Variants in GLCCI1 observed in about 807,000 individuals in gnomAD.
The protein encoded by GLCCI1 is glucocorticoid-induced transcript 1 protein.
GLCCI1 carries 24 observed loss-of-function variants against 52.2 expected under a neutral mutation model. The ratio of observed to expected loss-of-function variants is 0.46; its 90% confidence interval spans 0.33 to 0.65. GLCCI1 has a LOEUF of 0.65. Ranked by LOEUF, GLCCI1 falls within the 30% of genes least tolerant of loss-of-function variation. The pLI, the probability that GLCCI1 is intolerant of heterozygous loss-of-function variation, is 0.02. For synonymous variants in GLCCI1, 310 were observed against 276.5 expected, an observed-to-expected ratio of 1.12 and a Z score of -1.20; for missense variants, 704 against 701.5, an observed-to-expected ratio of 1.00 and a Z score of -0.04.
intron 5 of GLCCI1, among the ~76,000 whole-genome samples, chr7:8,062,542 T>C (rs1165173238): frequency 6.6e-6 from 1 of 152,194 alleles, no homozygotes; most frequent in Non-Finnish European, 1.5e-5. Flanking sequence ...TGGAATTTGG[T>C]GTACAGATTA....
chr7:8,020,979 T>A (rs1347873614), intron 2 of GLCCI1, among the ~76,000 whole-genome samples: 1 of 152,224 alleles, frequency 6.6e-6, no homozygotes, highest in African/African-American at 2.4e-5. Context: ...ATTTAATATA[T>A]TGATACCTCT....
At chr7:8,066,553 C>T (rs1333451731) in intron 5 of GLCCI1, among the ~76,000 whole-genome samples, 2 of 150,684 alleles carry the variant, frequency 1.3e-5, no homozygotes, top group East Asian at 3.9e-4. Flanking sequence ...ACTGCTTTAG[C>T]TGTGTCCCAT....
rs185664873 is a variant in GLCCI1, at chr7:8,081,649, A to G, written c.1178-3248A>G. Among the ~76,000 whole-genome samples, 467 of 152,348 alleles carry G rather than the reference A, an allele frequency of 3.1e-3. 3 individuals are homozygous for G. Among genetic ancestry groups the G allele is most frequent in the Middle Eastern group, 0.02 (6 of 294 alleles). The stretch of plus-strand genomic sequence containing the variant: ...ATACTCAAGCTATACAAGTACATGT[A>G]GTTTAATGAATATTGTTTCTATATG... On this transcript the variant is annotated intron_variant, in intron 6 of 7. Coordinates refer to ENST00000223145, the MANE Select transcript of GLCCI1 (RefSeq NM_138426.4).
At chr7:7,982,044 G>A in intron 1 of GLCCI1, 2 of 461,474 alleles carry the variant, frequency 4.3e-6, no homozygotes, top group South Asian at 3.4e-5. Context: ...TGGGAGAAAT[G>A]AAAGAGTAAA....
intron 3 of GLCCI1, among the ~76,000 whole-genome samples, chr7:8,031,359 T>G (rs533417028): frequency 6.6e-6 from 1 of 151,834 alleles, no homozygotes; most frequent in East Asian, 1.9e-4. Context: ...ATAGAACTCG[T>G]GGAACTAGAG....
chr7:7,969,655 G>C lies in GLCCI1; in HGVS notation c.305G>C (p.Arg102Pro). ...AGCCTCCCGGGGCCCGGCGCGGCCC[G>C]CGGCCCCAGCCCGTCCAGCCCGACG... is the stretch of plus-strand genomic sequence containing the variant. ...LGSLPGPGAA[R>P]GPSPSSPTPP... is the part of the protein sequence containing the mutation. Residue 102 changes from arginine (R) to proline (P), a missense_variant, in exon 1 of 8, where the codon CGC (arginine) becomes CCC (proline). Physicochemically the swap from Arg to Pro is moderately radical, Grantham distance 103 (BLOSUM62 -2). Around this residue, in one of 3 missense-constraint regions of GLCCI1, gnomAD observed 547 missense variants for 524.8 expected, o/e 1.04. Transcript: ENST00000223145. This position sits in a 1 kb window ranked among gnomAD's most constrained non-coding sequence, Gnocchi z 4.9. The C allele has an allele frequency of 9.9e-7, 1 of 1,013,724 alleles. No homozygotes were observed. The highest frequency in any genetic ancestry group is 1.2e-6 in the Non-Finnish European group (1 of 854,302). The allele number at this position is 1,013,724 out of a possible 1,614,324, so 62.8% of individuals were successfully genotyped here. A position where few individuals can be genotyped will look rare whatever the true frequency, so the allele number is the denominator to read the frequency against.
At chr7:7,971,158 G>GTAT (rs1458331609) in intron 1 of GLCCI1, among the ~76,000 whole-genome samples, 1 of 152,162 alleles carries the variant, frequency 6.6e-6, no homozygotes, top group Non-Finnish European at 1.5e-5. Flanking sequence ...CCTGTAATCT[G>GTAT]TATGCATTGG....
intron 2 of GLCCI1, among the ~76,000 whole-genome samples, chr7:8,009,684 A>G (rs1367448048): frequency 2.6e-5 from 4 of 152,224 alleles, no homozygotes; most frequent in African/African-American, 4.8e-5. Flanking sequence ...TTAATGACCC[A>G]TACATGTAGT....
At chr7:8,029,924 CTTCATG>C (rs1781709010) in intron 3 of GLCCI1, among the ~76,000 whole-genome samples, 1 of 152,068 alleles carries the variant, frequency 6.6e-6, no homozygotes, top group East Asian at 1.9e-4. Flanking sequence ...TGGAAGGATA[CTTCATG>C]TTCATTAATT....
chr7:7,992,366 C>T (rs758473941), intron 1 of GLCCI1, among the ~76,000 whole-genome samples: 13 of 151,982 alleles, frequency 8.6e-5, no homozygotes, highest in Non-Finnish European at 1.6e-4. Flanking sequence ...CACCTTCCAC[C>T]AGTTCTTATG....
At chr7:8,073,091 C>T (rs1782798778) in intron 6 of GLCCI1, among the ~76,000 whole-genome samples, 2 of 152,084 alleles carry the variant, frequency 1.3e-5, no homozygotes, top group African/African-American at 2.4e-5. Context: ...CACTCTCCTG[C>T]CAGGGTCTTT....
chr7:7,994,481 C>G (rs1780901891), intron 1 of GLCCI1, among the ~76,000 whole-genome samples: 2 of 152,122 alleles, frequency 1.3e-5, no homozygotes, highest in African/African-American at 4.8e-5. Context: ...TGGTGAGGGC[C>G]TTCATGCTAT....
rs973310282 is a variant in GLCCI1 at position 8,017,243 on chromosome 7, T to C, written c.610-5240T>C. On this transcript the variant is annotated intron_variant, in intron 2 of 7. Transcript: ENST00000223145. ...GTTTTTTAGAATGGTGTGAAAAATA[T>C]TTTTGGCCATATGTAGTAATCACCT... Among the ~76,000 whole-genome samples, 36 of 152,286 alleles carry C rather than the reference T, an allele frequency of 2.4e-4. No homozygotes were observed. In the Middle Eastern group the frequency reaches 0.014, roughly 58 times the overall value.
intron 2 of GLCCI1, among the ~76,000 whole-genome samples, chr7:8,012,196 T>G (rs258851): frequency 0.65 from 98,173 of 151,920 alleles, 32,958 homozygotes; most frequent in African/African-American, 0.84. Flanking sequence ...GTATCTTACT[T>G]TGATTTTCGA....
chr7:8,012,825 A>T lies in GLCCI1; in HGVS notation c.609+8766A>T, dbSNP rs559801920. ...AGTTTATCTATTTTTCCATTTGTTG[A>T]CTGTACTTTTGTTGGCATATTCAAG... On this transcript the variant is annotated intron_variant, in intron 2 of 7. Coordinates refer to ENST00000223145, the MANE Select transcript of GLCCI1 (RefSeq NM_138426.4). 3.5e-3 allele frequency among the ~76,000 whole-genome samples: 529 copies of T among 152,072 alleles called. 4 individuals are homozygous for T. Among genetic ancestry groups the T allele is most frequent in the Middle Eastern group, 0.014 (4 of 294 alleles).
At chr7:8,065,036 T>C (rs570409744) in intron 5 of GLCCI1, among the ~76,000 whole-genome samples, 2 of 152,128 alleles carry the variant, frequency 1.3e-5, no homozygotes, top group South Asian at 4.1e-4. Flanking sequence ...ATTTTAACAA[T>C]ATTTATACTT....
intron 2 of GLCCI1, among the ~76,000 whole-genome samples, chr7:8,016,651 G>T (rs1781388188): frequency 6.6e-6 from 1 of 152,120 alleles, no homozygotes; most frequent in Non-Finnish European, 1.5e-5. Flanking sequence ...TAAACTAAGG[G>T]AAAACTTTTC....
intron 3 of GLCCI1, among the ~76,000 whole-genome samples, chr7:8,034,338 A>T (rs1781819707): frequency 6.6e-6 from 1 of 152,184 alleles, no homozygotes; most frequent in Admixed American, 6.5e-5. Context: ...TACAATCTCA[A>T]GAGTAAAAGC....
chr7:7,999,233 A>G (rs1781003844), intron 1 of GLCCI1, among the ~76,000 whole-genome samples: 1 of 152,166 alleles, frequency 6.6e-6, no homozygotes, highest in African/African-American at 2.4e-5. Context: ...TAGAGTAAAT[A>G]AGTAAAAGTA....
Sources: gnomAD v4.1 joint callset for allele counts (sites outside exome capture counted in the v4.1 genomes callset) on GRCh38, gnomAD v4.1.1 for gene constraint, gnomAD v4.1.1 regional missense constraint, Gnocchi (gnomAD v3.1) non-coding constraint, MANE v1.5 for transcripts, NCBI Gene and HGNC (gene_info 2026-07-23, HGNC 2026-07-21) for gene names.